Variants in RTP2 observed in about 807,000 individuals in gnomAD.
RTP2 encodes the protein receptor-transporting protein 2.
A neutral mutation model predicts 17.9 loss-of-function variants in RTP2; 12 were observed. The observed-to-expected ratio is 0.67, with a 90% CI of 0.43 to 1.09. RTP2 has a LOEUF of 1.09. Ranked by LOEUF, RTP2 falls within the 50% of genes least tolerant of loss-of-function variation. The pLI is 0.00. For missense variants in RTP2, 327 were observed against 295.7 expected (o/e 1.11, Z -0.78); for synonymous variants, 126 against 117.7 (o/e 1.07, Z -0.46).
the RTP2 span, among the ~76,000 whole-genome samples, chr3:187,710,101 C>T: frequency 6.6e-6 from 1 of 152,116 alleles, no homozygotes; most frequent in African/African-American, 2.4e-5. Flanking sequence ...CCATTAAGGG[C>T]CTGAATAGAA....
exon 2 of RTP2, chr3:187,698,442 C>A: frequency 6.8e-7 from 1 of 1,471,206 alleles, no homozygotes; most frequent in Non-Finnish European, 9.2e-7. Context: ...CAAGTCCAGA[C>A]TGTGTCCTCC....
chr3:187,705,936 ACATAGATATTG>A (rs1170624056), upstream of RTP2, among the ~76,000 whole-genome samples: 1 of 152,206 alleles, frequency 6.6e-6, no homozygotes, highest in Admixed American at 6.5e-5. Context: ...GACAAACATT[ACATAGATATTG>A]CATAAACAGG....
chr3:187,715,675 G>A, the RTP2 span: 1 of 456,920 alleles, frequency 2.2e-6, no homozygotes, highest in Non-Finnish European at 4.4e-6. Context: ...ATCATCTGGA[G>A]AGCAAGAAGC....
At chr3:187,710,399 ATC>A in the RTP2 span, among the ~76,000 whole-genome samples, 8 of 140,852 alleles carry the variant, frequency 5.7e-5, no homozygotes, top group Admixed American at 1.4e-4. Context: ...ATATATATAT[ATC>A]ATATATTATA....
chr3:187,703,825 G>A (rs1717922044), upstream of RTP2, among the ~76,000 whole-genome samples: 1 of 152,162 alleles, frequency 6.6e-6, no homozygotes, highest in Non-Finnish European at 1.5e-5. Context: ...GAAAGAGGAT[G>A]AGAATTGTCA....
chr3:187,698,946 A>C (rs766542946), exon 2 of RTP2: 5 of 1,607,462 alleles, frequency 3.1e-6, no homozygotes, highest in Non-Finnish European at 4.3e-6. Flanking sequence ...GCGGTCCAGG[A>C]ACATGTGGAA....
chr3:187,699,790 T>TC (rs1560136127), intron 1 of RTP2, among the ~76,000 whole-genome samples: 3 of 119,562 alleles, frequency 2.5e-5, no homozygotes, highest in Non-Finnish European at 3.7e-5. Flanking sequence ...CACATATATT[T>TC]TCTCTCTCTC....
At chr3:187,698,665 G>T (rs368487529) in exon 2 of RTP2, 5 of 1,614,088 alleles carry the variant, frequency 3.1e-6, no homozygotes, top group Non-Finnish European at 3.4e-6. Context: ...TCCTCCAGCA[G>T]CTTCTCGCTG....
exon 2 of RTP2, chr3:187,698,735 G>T: frequency 6.2e-7 from 1 of 1,613,942 alleles, no homozygotes; most frequent in East Asian, 2.2e-5. Flanking sequence ...GATGCGGCCC[G>T]CTGTCCGGGC....
the RTP2 span, among the ~76,000 whole-genome samples, chr3:187,714,077 C>T: frequency 1.3e-5 from 2 of 152,178 alleles, no homozygotes; most frequent in African/African-American, 4.8e-5. Flanking sequence ...GCTCTCCTCT[C>T]CGAACCTCAG....
the RTP2 span, among the ~76,000 whole-genome samples, chr3:187,712,242 C>A: frequency 6.6e-6 from 1 of 152,158 alleles, no homozygotes; most frequent in Admixed American, 6.5e-5. Context: ...TTAGGTAAGA[C>A]CTTACCATTG....
Position 187,702,083 on chromosome 3 carries a change from C to A in RTP2, c.46G>T (p.Glu16Ter). The change falls in exon 1 of 2, where the codon GAG becomes TAG. Residue 16 changes from glutamate to a stop codon, truncating the protein, a stop_gained. Coordinates refer to ENST00000358241, the Ensembl canonical transcript of RTP2. LOFTEE classifies it high-confidence loss of function. ...GCTGGCTTTGCCACCTCCATCTTCT[C>A]ATAGAAGACTTTCTTCCACTCACAA... The A allele has an allele frequency of 6.2e-7, 1 of 1,613,500 alleles. No homozygotes were observed.
chr3:187,700,248 G>C (rs1717811900), intron 1 of RTP2, among the ~76,000 whole-genome samples: 1 of 152,240 alleles, frequency 6.6e-6, no homozygotes, highest in South Asian at 2.1e-4. Flanking sequence ...GCATAGAACA[G>C]TACCCAGAAT....
At chr3:187,706,167 T>C (rs1560138940), upstream of RTP2, among the ~76,000 whole-genome samples, 2 of 152,110 alleles carry the variant, frequency 1.3e-5, no homozygotes, top group Non-Finnish European at 2.9e-5. Context: ...GCTTTCTTAC[T>C]CCCAAGGATA....
chr3:187,710,133 T>G, the RTP2 span, among the ~76,000 whole-genome samples: 1 of 152,072 alleles, frequency 6.6e-6, no homozygotes, highest in Admixed American at 6.5e-5. Flanking sequence ...TGCAGGAAGG[T>G]TGAATTCACT....
At chr3:187,709,589 G>A in the RTP2 span, among the ~76,000 whole-genome samples, 1 of 152,170 alleles carries the variant, frequency 6.6e-6, no homozygotes, top group Non-Finnish European at 1.5e-5. Flanking sequence ...GGAAGCTGAA[G>A]CAGGAGAATC....
chr3:187,698,444 G>C, exon 2 of RTP2: 1 of 1,481,864 alleles, frequency 6.7e-7, no homozygotes, highest in Non-Finnish European at 9.1e-7. Flanking sequence ...AGTCCAGACT[G>C]TGTCCTCCCC....
At chr3:187,714,722 G>A in the RTP2 span, among the ~76,000 whole-genome samples, 160 of 152,240 alleles carry the variant, frequency 1.1e-3, 1 homozygote, top group African/African-American at 3.6e-3. Flanking sequence ...CAGTTGTTCA[G>A]GCTGAAGAAA....
upstream of RTP2, among the ~76,000 whole-genome samples, chr3:187,707,049 C>T (rs2108545258): frequency 6.6e-6 from 1 of 152,316 alleles, no homozygotes; most frequent in South Asian, 2.1e-4. Context: ...TCATTCATTC[C>T]TATGTCTGGA....
Sources: allele counts gnomAD v4.1 joint callset (sites outside exome capture counted in the v4.1 genomes callset), GRCh38; gene constraint gnomAD v4.1.1; transcripts MANE v1.5; gene names NCBI Gene and HGNC (gene_info 2026-07-23, HGNC 2026-07-21).